SELENBP1: variants seen among roughly 807,000 people sequenced by gnomAD.
SELENBP1 encodes the protein methanethiol oxidase.
A neutral mutation model predicts 61.0 loss-of-function variants in SELENBP1; 71 were observed. That is an observed-to-expected ratio of 1.16 (90% CI 0.96 to 1.42). The LOEUF (loss-of-function observed/expected upper bound fraction) is 1.42, where lower values mean the gene tolerates loss of function less well. Among genes scored for constraint, SELENBP1 ranks in the 40% most tolerant of loss-of-function variants. SELENBP1 has a pLI of 0.00. For synonymous variants in SELENBP1, 270 were observed against 238.9 expected (o/e 1.13, Z -1.20); for missense variants, 561 against 605.0 (o/e 0.93, Z 0.76).
chr1:151,366,946 A>C lies in SELENBP1; in HGVS notation c.482-42T>G, dbSNP rs544237823. On this transcript the variant is annotated intron_variant, in intron 5 of 11. Transcript: ENST00000368868. ...GCAGGGTGGCAGGTAGAAGCAGTAG[A>C]GACACTAACCCCACCCTCCAGCCCT... 8.2e-5 allele frequency: 132 copies of C among 1,601,140 alleles called. No individual in the cohort carries two copies. In the South Asian group the frequency reaches 1.4e-3, roughly 17 times the overall value.
At chr1:151,365,131 C>A (rs1651732161) in intron 10 of SELENBP1, 58 bp downstream of exon 10, 1 of 1,588,482 alleles carries the variant, frequency 6.3e-7, no homozygotes, top group Non-Finnish European at 8.6e-7. Flanking sequence ...GCTGCTCCCC[C>A]ACATATTCCT....
chr1:151,366,922 C>A lies in SELENBP1; in HGVS notation c.482-18G>T. 1 of 1,610,826 alleles carries A rather than the reference C, an allele frequency of 6.2e-7. No homozygotes were observed. The highest frequency in any genetic ancestry group is 8.5e-7 in the Non-Finnish European group (1 of 1,177,918). ...AAAACCCCCTGAACAGGGAAGGAAGCAGGGTGGCAGGTAGAAGCAGTAGAG... is the reference window on the plus strand; with the variant it reads ...AAAACCCCCTGAACAGGGAAGGAAGAAGGGTGGCAGGTAGAAGCAGTAGAG... On this transcript the variant is annotated intron_variant, in intron 5 of 11. Coordinates refer to ENST00000368868, the MANE Select transcript of SELENBP1 (RefSeq NM_003944.4).
Position 151,368,521 on chromosome 1 carries a change from A to G in SELENBP1, c.361-202T>C, listed in dbSNP as rs543351786. ...CAAGGGAAAGTCAGAGAGATTGCTA[A>G]TAACTCCCCAGGCAGAAAGCGCTGA... On this transcript the variant is annotated intron_variant, in intron 4 of 11. Transcript: ENST00000368868. 2.0e-5 allele frequency among the ~76,000 whole-genome samples: 3 copies of G among 152,338 alleles called. No individual in the cohort carries two copies. In the East Asian group the frequency reaches 5.8e-4, roughly 29 times the overall value.
intron 1 of SELENBP1, among the ~76,000 whole-genome samples, chr1:151,370,510 G>A (rs151084602): frequency 9.8e-5 from 15 of 152,306 alleles, no homozygotes; most frequent in African/African-American, 3.6e-4. Flanking sequence ...GTAAAGTAAG[G>A]TGTTTGGCCC....
rs544356174 is a variant in SELENBP1, at chr1:151,365,037, C to G, written c.1145G>C (p.Arg382Pro). Reference sequence around the variant, plus strand: ...GATCATCTGAGGGCCTCCAGCCACCCGTTTTCCCTTGGGAAAACCAGGGGT... The same window carrying G: ...GATCATCTGAGGGCCTCCAGCCACCGGTTTTCCCTTGGGAAAACCAGGGGT... ...QPEPLVVKGK[R>P]VAGGPQMIQL... The change falls in exon 11 of 12, where the codon CGG becomes CCG. Residue 382 changes from arginine (R) to proline (P), a missense_variant. Physicochemically the swap from Arg to Pro is moderately radical, Grantham distance 103. Coordinates refer to ENST00000368868, the MANE Select transcript of SELENBP1 (RefSeq NM_003944.4). 3.1e-6 allele frequency: 5 copies of G among 1,606,842 alleles called. No homozygotes were observed. The highest frequency in any genetic ancestry group is 3.4e-5 in the Admixed American group (2 of 58,086).
Position 151,365,095 on chromosome 1 carries a change from C to A in SELENBP1, c.1138-51G>T, listed in dbSNP as rs532612836. The A allele has an allele frequency of 5.0e-5, 79 of 1,585,334 alleles. No individual in the cohort carries two copies. In the East Asian group the frequency reaches 1.8e-3, roughly 35 times the overall value. On this transcript the variant is annotated intron_variant, in intron 10 of 11. Transcript: ENST00000368868. ...CAGGGTAACACACAGATCCTAGGCA[C>A]CACCCCAACCCCAAGAGTATGCTCA... is the stretch of plus-strand genomic sequence containing the variant.
Position 151,366,441 on chromosome 1 carries a change from C to T in SELENBP1, c.677G>A (p.Ser226Asn). Residue 226 changes from serine to asparagine, a missense_variant, in exon 7 of 12, where the codon AGC (serine) becomes AAC (asparagine). By Grantham distance (46) the Ser-to-Asn change is conservative. Coordinates refer to ENST00000368868, the MANE Select transcript of SELENBP1 (RefSeq NM_003944.4). ...PADVEAGLYG[S>N]HLYVWDWQRH... ...CTGCCAGTCCCATACATATAAGTGGCTCCCGTACAGTCCTGGGGTGGGAGT... is the reference window on the plus strand; with the variant it reads ...CTGCCAGTCCCATACATATAAGTGGTTCCCGTACAGTCCTGGGGTGGGAGT... 1.2e-6 allele frequency: 2 copies of T among 1,613,664 alleles called. No homozygotes were observed. The highest frequency in any genetic ancestry group is 1.7e-6 in the Non-Finnish European group (2 of 1,179,898).
rs746470593 is a variant in SELENBP1 at position 151,366,749 on chromosome 1, C to T, written c.637G>A (p.Gly213Ser). The change falls in exon 6 of 12, where the codon GGC (glycine) becomes AGC (serine). Residue 213 changes from glycine (G) to serine (S), a missense_variant. By Grantham distance (56) the Gly-to-Ser change is moderately conservative. Transcript: ENST00000368868. ...GCCTCCACATCAGCGGGGTTGAAGC[C>T]ATCTCGTAAGACATTGGGAGCTGCC... ...EWAAPNVLRD[G>S]FNPADVEAGL... is the part of the protein sequence containing the mutation. The T allele has an allele frequency of 6.2e-7, 1 of 1,614,086 alleles. No individual in the cohort carries two copies. Among genetic ancestry groups the T allele is most frequent in the Admixed American group, 1.7e-5 (1 of 60,010 alleles).
intron 1 of SELENBP1, 26 bp downstream of exon 1, chr1:151,372,612 G>T (rs1197394964): frequency 1.9e-6 from 3 of 1,614,016 alleles, no homozygotes; most frequent in African/African-American, 2.7e-5. Flanking sequence ...AGCAGGCAAT[G>T]GGTGATTGGA....
At chr1:151,367,474 G>A in intron 5 of SELENBP1, 1 of 99,278 alleles carries the variant, frequency 1.0e-5, no homozygotes, top group Non-Finnish European at 2.5e-5. Flanking sequence ...TTACGCCAGT[G>A]CCCCTGTCTC....
rs149904363 is a variant in SELENBP1, at chr1:151,369,561, G to A, written c.62-7C>T. 1,021 of 1,599,332 alleles carry A rather than the reference G, an allele frequency of 6.4e-4. 27 individuals are homozygous for A. In the East Asian group the frequency reaches 0.022, roughly 34 times the overall value. On this transcript the variant is annotated splice_polypyrimidine_tract_variant and splice_region_variant and intron_variant, in intron 2 of 11. Coordinates refer to ENST00000368868, the MANE Select transcript of SELENBP1 (RefSeq NM_003944.4). ...ACGATCTCTTCCCTGGGTCCTGCAC[G>A]GTAGAAAGCAGGCAGCAGGGACGGC...
chr1:151,368,175 T>C (rs754003045), intron 5 of SELENBP1, 24 bp downstream of exon 5: 2 of 1,604,916 alleles, frequency 1.2e-6, no homozygotes, highest in South Asian at 2.2e-5. Context: ...GAAGTTTTCA[T>C]GAGCACACAG....
intron 1 of SELENBP1, among the ~76,000 whole-genome samples, chr1:151,370,929 C>T (rs1242123249): frequency 3.3e-5 from 5 of 152,330 alleles, no homozygotes; most frequent in African/African-American, 9.6e-5. Flanking sequence ...GCAGCAACAG[C>T]GTTCAGAGTC....
intron 10 of SELENBP1, 32 bp downstream of exon 10, chr1:151,365,157 G>A: frequency 6.2e-7 from 1 of 1,604,522 alleles, no homozygotes; most frequent in South Asian, 1.1e-5. Context: ...ATGGGTCTGA[G>A]GGGTCCAGCA....
At chr1:151,366,680 TGTA>T in intron 6 of SELENBP1, 39 bp downstream of exon 6, 1 of 1,599,810 alleles carries the variant, frequency 6.3e-7, no homozygotes, top group East Asian at 2.2e-5. Context: ...AGCAAGGGGA[TGTA>T]GGCCCAAGGC....
chr1:151,372,548 C>T (rs1277589764), intron 1 of SELENBP1, 90 bp downstream of exon 1: 2 of 1,559,358 alleles, frequency 1.3e-6, no homozygotes, highest in Admixed American at 1.7e-5. Context: ...CAGCTCCCCA[C>T]TCAGGTTTTC....
Position 151,366,877 on chromosome 1 carries a change from G to A in SELENBP1, c.509C>T (p.Thr170Met), listed in dbSNP as rs760940946. 18 of 1,613,928 alleles carry A rather than the reference G, an allele frequency of 1.1e-5. No individual in the cohort carries two copies. The highest frequency in any genetic ancestry group is 2.2e-5 in the East Asian group (1 of 44,884). The change falls in exon 6 of 12, where the codon ACG (threonine) becomes ATG (methionine). Residue 170 changes from threonine (T) to methionine (M), a missense_variant. Thr to Met is a moderately conservative substitution (Grantham distance 81). Transcript: ENST00000368868. ...CTCCCATGTCCCCTTCACCTCGAAC[G>A]TCTCCCCATCCAGCAGCACAAAACC... ...KGGFVLLDGE[T>M]FEVKGTWERP...
rs577797586 is a variant in SELENBP1, at chr1:151,365,576, C to T, written c.1031G>A (p.Arg344His). ...CAGGGTCTCCACCTGTCCTGTGAGG[C>T]GGGGTCTCTGTGGGTCAGAGATGTC... The part of the protein sequence containing the change: ...QYDISDPQRP[R>H]LTGQLFLGGS... The change falls in exon 9 of 12, where the codon CGC (arginine) becomes CAC (histidine). Residue 344 changes from arginine to histidine, a missense_variant. Transcript: ENST00000368868. The T allele has an allele frequency of 2.2e-5, 35 of 1,614,178 alleles. No individual in the cohort carries two copies. Among genetic ancestry groups the T allele is most frequent in the Middle Eastern group, 1.6e-4 (1 of 6,062 alleles).
chr1:151,365,962 G>T, intron 7 of SELENBP1, 116 bp from the exon 8 acceptor site: 1 of 1,097,964 alleles, frequency 9.1e-7, no homozygotes, highest in Non-Finnish European at 1.3e-6. Context: ...TAGATGCCCG[G>T]CCTTCTTGCC....
Sources: allele counts gnomAD v4.1 joint callset (sites outside exome capture counted in the v4.1 genomes callset), GRCh38; gene constraint gnomAD v4.1.1; transcripts MANE v1.5; gene names NCBI Gene and HGNC (gene_info 2026-07-23, HGNC 2026-07-21).